KAZN: variants seen among roughly 807,000 people sequenced by gnomAD.
The protein encoded by KAZN is kazrin.
In KAZN, 40 loss-of-function variants were observed where a neutral mutation model predicts 87.4. The observed-to-expected ratio is 0.46, with a 90% CI of 0.36 to 0.60. KAZN has a LOEUF of 0.60. Among genes scored for constraint, KAZN ranks in the 20% least tolerant of loss-of-function variants. The pLI, the probability that KAZN is intolerant of heterozygous loss-of-function variation, is 0.00. For synonymous variants in KAZN, 466 were observed against 458.3 expected, an observed-to-expected ratio of 1.02 and a Z score of -0.22; for missense variants, 898 against 1,073.9, an observed-to-expected ratio of 0.84 and a Z score of 2.29.
chr1:14,478,024 A>G (rs536580517), intron 2 of KAZN, among the ~76,000 whole-genome samples: 278 of 152,338 alleles, frequency 1.8e-3, no homozygotes, highest in African/African-American at 6.4e-3. Flanking sequence ...ATCACCAAGC[A>G]GCACATTGTG....
chr1:14,093,017 A>G (rs762117433), intron 1 of KAZN, among the ~76,000 whole-genome samples: 2 of 151,932 alleles, frequency 1.3e-5, no homozygotes, highest in African/African-American at 4.8e-5. Context: ...CTTTTCTCTT[A>G]TTCTCGTACT....
Position 14,525,787 on chromosome 1 carries a change from C to T in KAZN, c.250-73196C>T, listed in dbSNP as rs532741319. ...GGCATATATAGCATGAATATTTATGCTAGCTACTGTTAGTGCTCTCGATAA... is the reference window on the plus strand; with the variant it reads ...GGCATATATAGCATGAATATTTATGTTAGCTACTGTTAGTGCTCTCGATAA... On this transcript the variant is annotated intron_variant, in intron 2 of 16. Coordinates refer to the KAZN transcript ENST00000636203. Among the ~76,000 whole-genome samples, 4 of 152,348 alleles carry T rather than the reference C, an allele frequency of 2.6e-5. No homozygotes were observed. The South Asian group carries it at 8.3e-4, about 32-fold the overall frequency.
intron 1 of KAZN, among the ~76,000 whole-genome samples, chr1:14,854,070 A>T (rs1052483685): frequency 1.1e-4 from 16 of 152,174 alleles, no homozygotes; most frequent in African/African-American, 3.9e-4. Context: ...GCCCACCTGG[A>T]GGGCCATCAG....
intron 1 of KAZN, among the ~76,000 whole-genome samples, chr1:14,841,070 A>C (rs1647913787): frequency 6.6e-6 from 1 of 152,048 alleles, no homozygotes; most frequent in African/African-American, 2.4e-5. Context: ...GGTGCAATAC[A>C]TTTGGCACAT....
At chr1:14,015,459 CTTTTTTTTTTTTTTTTTTTTTTTTTTT>C (rs70987713) in intron 1 of KAZN, among the ~76,000 whole-genome samples, 1 of 25,066 alleles carries the variant, frequency 4.0e-5, no homozygotes, top group Admixed American at 8.1e-4. Flanking sequence ...GTTACATCTA[CTTTTTTTTTTTTTTTTTTTTTTTTTTT>C]TTTTTTTTTT....
At chr1:15,114,353 G>C (rs1641764975) in intron 14 of KAZN, 118 bp from the exon 15 acceptor site, 4 of 808,904 alleles carry the variant, frequency 4.9e-6, no homozygotes, top group Non-Finnish European at 8.0e-6. Context: ...GGAGCACACA[G>C]AGGTTAAGTA....
chr1:14,329,714 A>G (rs969573379), intron 2 of KAZN, among the ~76,000 whole-genome samples: 1 of 152,214 alleles, frequency 6.6e-6, no homozygotes, highest in African/African-American at 2.4e-5. Context: ...TCAGTCACTC[A>G]GCCCACTTAT....
chr1:14,224,587 G>T (rs146279757), intron 2 of KAZN, among the ~76,000 whole-genome samples: 4 of 152,284 alleles, frequency 2.6e-5, no homozygotes, highest in African/African-American at 9.6e-5. Context: ...ATACAGGTTA[G>T]TACTAAACTG....
At chr1:14,116,433 C>A (rs1479956178) in intron 1 of KAZN, among the ~76,000 whole-genome samples, 2 of 152,204 alleles carry the variant, frequency 1.3e-5, no homozygotes, top group Non-Finnish European at 2.9e-5. Context: ...AAGCCTCAAG[C>A]CATGGCAACT....
chr1:14,124,467 G>A (rs749035496), intron 1 of KAZN: 1 of 152,190 alleles, frequency 6.6e-6, no homozygotes, highest in Non-Finnish European at 1.5e-5. Context: ...CATAATCCAG[G>A]CTTGTTAAAG....
At chr1:13,919,752 T>C (rs953396109) in intron 1 of KAZN, among the ~76,000 whole-genome samples, 15 of 152,236 alleles carry the variant, frequency 9.9e-5, no homozygotes, top group Non-Finnish European at 2.2e-4. Flanking sequence ...GGATGGTGGA[T>C]GTGGCTTGCC....
chr1:14,723,871 A>C (rs1339960248), intron 1 of KAZN, among the ~76,000 whole-genome samples: 1 of 152,138 alleles, frequency 6.6e-6, no homozygotes, highest in African/African-American at 2.4e-5. Context: ...TGTTGTGGGC[A>C]CTGGGAACCC....
intron 1 of KAZN, among the ~76,000 whole-genome samples, chr1:14,639,424 T>C (rs918225081): frequency 6.6e-6 from 1 of 152,166 alleles, no homozygotes; most frequent in Admixed American, 6.5e-5. Flanking sequence ...CATCAACACT[T>C]TGAGTGGTCA....
chr1:14,762,581 CAGT>C (rs1304058250), intron 1 of KAZN, among the ~76,000 whole-genome samples: 2 of 152,068 alleles, frequency 1.3e-5, no homozygotes, highest in Non-Finnish European at 2.9e-5. Flanking sequence ...AAAAATTAGC[CAGT>C]CGCGGTGGCA....
In KAZN at chr1:14,396,168, C is replaced by CAAAA. The variant is rs764796102; in HGVS notation, c.250-202802_250-202799dup. On this transcript the variant is annotated intron_variant, in intron 2 of 16. Transcript: ENST00000636203. Reference sequence around the variant, plus strand: ...GAGCGACAAGAGCAAGACTCCGTCTCAAAAAAAAAAAAAAAACTGCAACAA... The same window carrying CAAAA: ...GAGCGACAAGAGCAAGACTCCGTCTCAAAAAAAAAAAAAAAAAAAACTGCAACAA... 3.4e-3 allele frequency among the ~76,000 whole-genome samples: 405 copies of CAAAA among 120,838 alleles called. 2 individuals are homozygous for CAAAA. The highest frequency in any genetic ancestry group is 8.2e-3 in the African/African-American group (266 of 32,332). 79.3% of individuals were successfully genotyped at this position (120,838 alleles called of 152,430 possible).
intron 1 of KAZN, among the ~76,000 whole-genome samples, chr1:14,945,666 A>G (rs1034062312): frequency 1.3e-5 from 2 of 152,218 alleles, no homozygotes; most frequent in Non-Finnish European, 2.9e-5. Flanking sequence ...CAGTTTTCAT[A>G]AGTGAAACAT....
At chr1:14,231,200 A>G (rs1647794845) in intron 2 of KAZN, among the ~76,000 whole-genome samples, 1 of 152,202 alleles carries the variant, frequency 6.6e-6, no homozygotes, top group Non-Finnish European at 1.5e-5. Flanking sequence ...GATCCTAGGA[A>G]ATACATGGAT....
chr1:14,831,515 C>T (rs1282551730), intron 1 of KAZN, among the ~76,000 whole-genome samples: 1 of 152,154 alleles, frequency 6.6e-6, no homozygotes, highest in Non-Finnish European at 1.5e-5. Flanking sequence ...GATGTGGGTG[C>T]TGTGTGTTGC....
At chr1:14,567,353 T>C (rs1261831924) in intron 2 of KAZN, among the ~76,000 whole-genome samples, 2 of 152,156 alleles carry the variant, frequency 1.3e-5, no homozygotes, top group Non-Finnish European at 2.9e-5. Context: ...AAAACAATTA[T>C]AATAGTAATA....
Sources: allele counts gnomAD v4.1 joint callset (sites outside exome capture counted in the v4.1 genomes callset), GRCh38; gene constraint gnomAD v4.1.1; transcripts MANE v1.5; gene names NCBI Gene and HGNC (gene_info 2026-07-23, HGNC 2026-07-21).